Variants in LHX4 observed in about 807,000 individuals in gnomAD.
LHX4 encodes the protein LIM homeobox 4.
A neutral mutation model predicts 39.2 loss-of-function variants in LHX4; 16 were observed. That is an observed-to-expected ratio of 0.41 (90% CI 0.28 to 0.62). The LOEUF is 0.62. LHX4 is among the 20% of genes least tolerant of loss of function. The pLI is 0.33. For missense variants in LHX4, 439 were observed against 511.9 expected, an observed-to-expected ratio of 0.86 and a Z score of 1.37; for synonymous variants, 206 against 198.1, an observed-to-expected ratio of 1.04 and a Z score of -0.33.
chr1:180,244,448 T>C (rs1476315323), intron 1 of LHX4, among the ~76,000 whole-genome samples: 1 of 152,146 alleles, frequency 6.6e-6, no homozygotes, highest in Admixed American at 6.5e-5. Flanking sequence ...CTTTTAGTGT[T>C]GTTCCTCAAT....
rs773419621 is a variant in LHX4, at chr1:180,271,872, TGAA to T, written c.649_651del (p.Lys217del). 21 of 1,613,644 alleles carry T rather than the reference TGAA, an allele frequency of 1.3e-5. No homozygotes were observed. In the South Asian group the frequency reaches 1.9e-4, roughly 14 times the overall value. ...AACAGAAGGGCCAAAGAGAAACGCC[TGAA>T]GAAGGATGCAGGGCGGCACCGCTGG... On this transcript the variant is annotated inframe_deletion, in exon 5 of 6. Coordinates refer to ENST00000263726, the MANE Select transcript of LHX4 (RefSeq NM_033343.4).
intron 2 of LHX4, among the ~76,000 whole-genome samples, chr1:180,254,462 G>C (rs578167093): frequency 1.3e-5 from 2 of 152,242 alleles, no homozygotes; most frequent in African/African-American, 4.8e-5. Flanking sequence ...GTCCTTGGGA[G>C]CCCGGGAGCT....
intron 2 of LHX4, among the ~76,000 whole-genome samples, chr1:180,257,309 A>G (rs941339598): frequency 6.6e-6 from 1 of 152,278 alleles, no homozygotes; most frequent in African/African-American, 2.4e-5. Context: ...ACATGATAAT[A>G]TCGAATATTC....
chr1:180,272,044 A>C, intron 5 of LHX4, 38 bp downstream of exon 5: 11 of 1,581,516 alleles, frequency 7.0e-6, no homozygotes, highest in Non-Finnish European at 9.4e-6. Flanking sequence ...AGGCCTTAGG[A>C]AAGTCCCCTG....
intron 3 of LHX4, among the ~76,000 whole-genome samples, chr1:180,267,405 G>A (rs866541957): frequency 1.1e-4 from 16 of 152,278 alleles, no homozygotes; most frequent in Admixed American, 3.3e-4. Flanking sequence ...CATGCCATGC[G>A]CTTGGGCAGC....
In LHX4 at chr1:180,230,517, C is replaced by G. The variant is rs1430801746; in HGVS notation, c.-13C>G. 6 of 1,612,112 alleles carry G rather than the reference C, an allele frequency of 3.7e-6. No homozygotes were observed. The East Asian group carries it at 1.3e-4, about 36-fold the overall frequency. ...ATCTCCGTAGACTGCGACTCGCTGG[C>G]TTTCGCTCCGAGATGATGCAGAGTG... On this transcript the variant is annotated 5_prime_UTR_variant, in exon 1 of 6. Coordinates refer to ENST00000263726, the MANE Select transcript of LHX4 (RefSeq NM_033343.4). The surrounding 1 kb of genome is among the most constrained non-coding windows in gnomAD (Gnocchi z 5.8).
rs1396600550 is a variant in LHX4 at position 180,230,288 on chromosome 1, C to G, written c.-242C>G. 2 of 585,600 alleles carry G rather than the reference C, an allele frequency of 3.4e-6. No individual in the cohort carries two copies. The highest frequency in any genetic ancestry group is 1.9e-5 in the African/African-American group (1 of 53,366). The allele number at this position is 585,600 out of a possible 1,614,324, so 36.3% of individuals were successfully genotyped here. A position where few individuals can be genotyped will look rare whatever the true frequency, so the allele number is the denominator to read the frequency against. On this transcript the variant is annotated 5_prime_UTR_variant, in exon 1 of 6. Transcript: ENST00000263726. This position sits in a 1 kb window ranked among gnomAD's most constrained non-coding sequence, Gnocchi z 5.8. ...CAGAGCTGCAGCAACAGCGTCTCAA[C>G]CTGGGATGTGCACCAACCCCGGAGA...
chr1:180,254,564 TG>T (rs1335993135), intron 2 of LHX4, among the ~76,000 whole-genome samples: 1 of 152,198 alleles, frequency 6.6e-6, no homozygotes, highest in African/African-American at 2.4e-5. Flanking sequence ...GCTTCACTGG[TG>T]ACCTTAGCCC....
intron 2 of LHX4, among the ~76,000 whole-genome samples, chr1:180,264,596 C>A (rs1239573166): frequency 2.6e-5 from 4 of 152,320 alleles, no homozygotes; most frequent in African/African-American, 9.6e-5. Flanking sequence ...AAGTATGGTG[C>A]TTTATCTGCT....
chr1:180,233,364 C>T (rs1016760492), intron 1 of LHX4, among the ~76,000 whole-genome samples: 46 of 152,302 alleles, frequency 3.0e-4, no homozygotes, highest in African/African-American at 1.1e-3. Context: ...GTGCGGGCCT[C>T]GTCGCTCCGA....
chr1:180,272,449 A>G (rs1268721746), intron 5 of LHX4, among the ~76,000 whole-genome samples: 1 of 152,172 alleles, frequency 6.6e-6, no homozygotes, highest in African/African-American at 2.4e-5. Flanking sequence ...CATGCTCCAC[A>G]GGTTTTTTCC....
At chr1:180,259,364 A>G (rs930735030) in intron 2 of LHX4, among the ~76,000 whole-genome samples, 1 of 151,998 alleles carries the variant, frequency 6.6e-6, no homozygotes, top group Admixed American at 6.5e-5. Context: ...AGGTGAAGCT[A>G]ATGACACAGA....
intron 2 of LHX4, among the ~76,000 whole-genome samples, chr1:180,253,393 G>A (rs573198405): frequency 6.6e-6 from 1 of 152,356 alleles, no homozygotes; most frequent in East Asian, 1.9e-4. Flanking sequence ...CTGGGTTCAA[G>A]TGTTGCCTGT....
At chr1:180,269,686 T>A (rs1355453123) in intron 3 of LHX4, 1 of 152,252 alleles carries the variant, frequency 6.6e-6, no homozygotes, top group Non-Finnish European at 1.5e-5. Context: ...CATTTTTTAA[T>A]ATAAAGATTG....
intron 1 of LHX4, among the ~76,000 whole-genome samples, chr1:180,239,801 C>G (rs897297929): frequency 3.3e-5 from 5 of 152,170 alleles, no homozygotes; most frequent in Non-Finnish European, 5.9e-5. Context: ...AAGTACTTGA[C>G]CAAGTTTGGA....
At chr1:180,245,472 T>G (rs1188440068) in intron 1 of LHX4, among the ~76,000 whole-genome samples, 1 of 152,156 alleles carries the variant, frequency 6.6e-6, no homozygotes, top group African/African-American at 2.4e-5. Flanking sequence ...CAGACAGGCA[T>G]GGCCCCAAGC....
chr1:180,269,161 C>G (rs979189906), intron 3 of LHX4, among the ~76,000 whole-genome samples: 1 of 151,476 alleles, frequency 6.6e-6, no homozygotes, highest in Non-Finnish European at 1.5e-5. Context: ...GTGGTATATT[C>G]TGAGAGCACA....
intron 1 of LHX4, among the ~76,000 whole-genome samples, chr1:180,242,560 T>G (rs1571260752): frequency 6.6e-6 from 1 of 152,192 alleles, no homozygotes; most frequent in South Asian, 2.1e-4. Flanking sequence ...GATGTCTGTA[T>G]GTGTTCATGC....
intron 2 of LHX4, among the ~76,000 whole-genome samples, chr1:180,251,477 G>C (rs1233665870): frequency 6.6e-6 from 1 of 152,196 alleles, no homozygotes; most frequent in Non-Finnish European, 1.5e-5. Flanking sequence ...GCTTTGGTTT[G>C]CCCATTTCTC....
Sources: allele counts gnomAD v4.1 joint callset (sites outside exome capture counted in the v4.1 genomes callset), GRCh38; gene constraint gnomAD v4.1.1; non-coding constraint Gnocchi (gnomAD v3.1); transcripts MANE v1.5; gene names NCBI Gene and HGNC (gene_info 2026-07-23, HGNC 2026-07-21).